POLR3B: variants seen among roughly 807,000 people sequenced by gnomAD.
POLR3B encodes DNA-directed RNA polymerase III subunit RPC2.
A neutral mutation model predicts 147.4 loss-of-function variants in POLR3B; 96 were observed. The observed-to-expected ratio is 0.65, with a 90% CI of 0.55 to 0.77. POLR3B has a LOEUF of 0.77. POLR3B is among the 30% of genes least tolerant of loss of function. The pLI is 0.00. For synonymous variants in POLR3B, 461 were observed against 485.9 expected (o/e 0.95, Z 0.67); for missense variants, 1,036 against 1,413.5 (o/e 0.73, Z 4.28).
intron 23 of POLR3B, among the ~76,000 whole-genome samples, chr12:106,477,158 G>A (rs545963440): frequency 1.1e-3 from 146 of 136,168 alleles, no homozygotes; most frequent in African/African-American, 4.2e-3. Context: ...CTGCTGGGGG[G>A]TGCCTCCCAG....
intron 10 of POLR3B, among the ~76,000 whole-genome samples, chr12:106,394,780 A>G (rs1031712243): frequency 2.6e-5 from 4 of 152,260 alleles, no homozygotes; most frequent in African/African-American, 9.6e-5. Flanking sequence ...CATAAGAAAG[A>G]CAAATGTTCC....
chr12:106,397,412 A>G lies in POLR3B; in HGVS notation c.846+4259A>G, dbSNP rs573070087. 5.3e-5 allele frequency among the ~76,000 whole-genome samples: 8 copies of G among 152,208 alleles called. No homozygotes were observed. The East Asian group carries it at 1.4e-3, about 26-fold the overall frequency. ...TCCCCCTCATGCCCCTTCCTAGTCA[A>G]TCTTTACCTCTACTCTCTGATTTTT... On this transcript the variant is annotated intron_variant, in intron 10 of 27. Transcript: ENST00000228347.
chr12:106,481,936 GGTTTGTTT>G (rs879601188), intron 23 of POLR3B, among the ~76,000 whole-genome samples: 1 of 151,850 alleles, frequency 6.6e-6, no homozygotes, highest in South Asian at 2.1e-4. Context: ...AGACTTCTTG[GGTTTGTTT>G]GTTTGTTTGT....
intron 4 of POLR3B, among the ~76,000 whole-genome samples, 169 bp from the exon 5 acceptor site, chr12:106,369,106 A>G (rs1043987634): frequency 6.6e-6 from 1 of 152,196 alleles, no homozygotes; most frequent in African/African-American, 2.4e-5. Flanking sequence ...TTGTAAAGCT[A>G]TATGTACTAT....
intron 12 of POLR3B, among the ~76,000 whole-genome samples, chr12:106,420,407 G>C (rs1464600566): frequency 6.6e-6 from 1 of 152,074 alleles, no homozygotes; most frequent in Non-Finnish European, 1.5e-5. Context: ...AGTCCAGTAA[G>C]ACTGCAGGTC....
intron 20 of POLR3B, among the ~76,000 whole-genome samples, chr12:106,455,254 C>T (rs2137028589): frequency 6.6e-6 from 1 of 152,278 alleles, no homozygotes; most frequent in Admixed American, 6.5e-5. Flanking sequence ...CAAGTCACCA[C>T]CTCGTGGTTT....
Position 106,457,173 on chromosome 12 carries a change from T to C in POLR3B, c.2329T>C (p.Cys777Arg). The change falls in exon 21 of 28, where the codon TGT (cysteine) becomes CGT (arginine). Residue 777 changes from cysteine to arginine, a missense_variant. Physicochemically the swap from Cys to Arg is radical, Grantham distance 180 (BLOSUM62 -3). Coordinates refer to ENST00000228347, the MANE Select transcript of POLR3B (RefSeq NM_018082.6). ...TTGCCTTGTATATAAAAATGCTAAA[T>C]GTACGTTGAAACGATACACCAATCA... ...GRCLVYKNAK[C>R]TLKRYTNQTF... The C allele has an allele frequency of 6.2e-7, 1 of 1,613,624 alleles. No homozygotes were observed. The highest frequency in any genetic ancestry group is 8.5e-7 in the Non-Finnish European group (1 of 1,179,614).
At chr12:106,420,053 T>G (rs554794091) in intron 12 of POLR3B, among the ~76,000 whole-genome samples, 18 of 152,242 alleles carry the variant, frequency 1.2e-4, no homozygotes, top group African/African-American at 4.3e-4. Context: ...CTCAGGCGTT[T>G]CCAGAGTTGT....
intron 18 of POLR3B, among the ~76,000 whole-genome samples, chr12:106,440,884 C>T (rs1034177640): frequency 2.0e-5 from 3 of 152,050 alleles, no homozygotes; most frequent in African/African-American, 7.2e-5. Context: ...TAACTCTCAG[C>T]GTTACCCAAT....
chr12:106,485,491 G>A (rs1335204365), intron 23 of POLR3B, among the ~76,000 whole-genome samples: 1 of 152,198 alleles, frequency 6.6e-6, no homozygotes, highest in African/African-American at 2.4e-5. Flanking sequence ...GACCATTGCA[G>A]TGGTCCAGGC....
intron 11 of POLR3B, among the ~76,000 whole-genome samples, chr12:106,409,188 C>T (rs2037188038): frequency 6.6e-6 from 1 of 152,004 alleles, no homozygotes; most frequent in African/African-American, 2.4e-5. Context: ...TAACTTGCCA[C>T]ATTAAGATTA....
At chr12:106,368,282 T>C (rs1215303841) in intron 4 of POLR3B, among the ~76,000 whole-genome samples, 2 of 151,920 alleles carry the variant, frequency 1.3e-5, no homozygotes, top group African/African-American at 4.8e-5. Context: ...TGGAAAATAG[T>C]ATTTAGATTC....
At chr12:106,368,621 T>C (rs1343220001) in intron 4 of POLR3B, among the ~76,000 whole-genome samples, 1 of 152,208 alleles carries the variant, frequency 6.6e-6, no homozygotes, top group Non-Finnish European at 1.5e-5. Flanking sequence ...TACTAGAGTG[T>C]AGGATTTGTG....
At chr12:106,366,046 C>G (rs1315211864) in intron 2 of POLR3B, among the ~76,000 whole-genome samples, 1 of 152,094 alleles carries the variant, frequency 6.6e-6, no homozygotes, top group Non-Finnish European at 1.5e-5. Context: ...AGAATACTTG[C>G]TGAAGGACCT....
chr12:106,460,703 G>A (rs7303737), intron 22 of POLR3B, among the ~76,000 whole-genome samples: 87,372 of 151,976 alleles, frequency 0.57, 25,856 homozygotes, highest in East Asian at 0.77. Context: ...TTTTCTGTGC[G>A]AAGTTCATCT....
chr12:106,459,095 T>TA (rs1565902910), intron 21 of POLR3B, among the ~76,000 whole-genome samples, 156 bp from the exon 22 acceptor site: 3 of 152,108 alleles, frequency 2.0e-5, no homozygotes, highest in Admixed American at 1.3e-4. Flanking sequence ...GGCATGACCA[T>TA]AGCTCACTGC....
chr12:106,475,908 TATG>T (rs2038161889), intron 23 of POLR3B, among the ~76,000 whole-genome samples: 1 of 151,634 alleles, frequency 6.6e-6, no homozygotes, highest in Non-Finnish European at 1.5e-5. Flanking sequence ...ATCCTGTCAT[TATG>T]ATGTTAGCTG....
At chr12:106,428,202 T>G (rs1167817540) in intron 13 of POLR3B, among the ~76,000 whole-genome samples, 1 of 152,190 alleles carries the variant, frequency 6.6e-6, no homozygotes, top group Non-Finnish European at 1.5e-5. Flanking sequence ...CCCTGAATAT[T>G]TGAAGAGAAT....
At chr12:106,438,892 T>G (rs1405777344) in intron 18 of POLR3B, among the ~76,000 whole-genome samples, 1 of 152,252 alleles carries the variant, frequency 6.6e-6, no homozygotes, top group Non-Finnish European at 1.5e-5. Flanking sequence ...ACAATATTTC[T>G]TCTTGAACAA....
Sources: gnomAD v4.1 joint callset for allele counts (sites outside exome capture counted in the v4.1 genomes callset) on GRCh38, gnomAD v4.1.1 for gene constraint, MANE v1.5 for transcripts, NCBI Gene and HGNC (gene_info 2026-07-23, HGNC 2026-07-21) for gene names.